The following COG5 variants were observed in gnomAD, a reference collection of about 807,000 sequenced individuals.
COG5 encodes the protein component of oligomeric golgi complex 5.
COG5 carries 86 observed loss-of-function variants against 110.4 expected under a neutral mutation model. The observed-to-expected ratio is 0.78, with a 90% CI of 0.65 to 0.93. COG5 has a LOEUF of 0.93. Ranked by LOEUF, COG5 falls within the 40% of genes least tolerant of loss-of-function variation. The pLI, the probability that COG5 is intolerant of heterozygous loss-of-function variation, is 0.00. For synonymous variants in COG5, 360 were observed against 334.6 expected, an observed-to-expected ratio of 1.08 and a Z score of -0.83; for missense variants, 1,077 against 987.0, an observed-to-expected ratio of 1.09 and a Z score of -1.22.
At chr7:107,464,843 C>T (rs888149598) in intron 6 of COG5, among the ~76,000 whole-genome samples, 21 of 152,094 alleles carry the variant, frequency 1.4e-4, no homozygotes, top group South Asian at 6.2e-4. Flanking sequence ...CTGTATACTA[C>T]GGGTTTTTTC....
At chr7:107,539,656 T>G (rs1334095845) in intron 5 of COG5, among the ~76,000 whole-genome samples, 1 of 152,172 alleles carries the variant, frequency 6.6e-6, no homozygotes, top group South Asian at 2.1e-4. Context: ...ATTCACAAGA[T>G]GCAATCTTGT....
intron 21 of COG5, among the ~76,000 whole-genome samples, chr7:107,206,755 T>C (rs1263356541): frequency 3.3e-5 from 5 of 152,252 alleles, no homozygotes; most frequent in Admixed American, 2.6e-4. Flanking sequence ...GAAATGAGTT[T>C]GGTTAGATTT....
At chr7:107,316,411 A>C (rs1808741493) in intron 11 of COG5, among the ~76,000 whole-genome samples, 2 of 152,174 alleles carry the variant, frequency 1.3e-5, no homozygotes, top group African/African-American at 4.8e-5. Context: ...TAAGGCTCTT[A>C]TTTGGAAGAA....
At chr7:107,383,415 T>C (rs1815300426) in intron 7 of COG5, among the ~76,000 whole-genome samples, 1 of 152,082 alleles carries the variant, frequency 6.6e-6, no homozygotes, top group Admixed American at 6.6e-5. Context: ...ACCCCAACCT[T>C]CCTGTTTCAT....
chr7:107,266,433 C>T (rs2116686365), intron 14 of COG5, among the ~76,000 whole-genome samples: 1 of 152,228 alleles, frequency 6.6e-6, no homozygotes, highest in East Asian at 1.9e-4. Context: ...TGTTTTTATG[C>T]TGTTACATCT....
intron 6 of COG5, among the ~76,000 whole-genome samples, chr7:107,515,779 C>T (rs1411702190): frequency 6.6e-6 from 1 of 152,166 alleles, no homozygotes; most frequent in Admixed American, 6.5e-5. Context: ...CAAATTAATG[C>T]CCTCTTTAGA....
At chr7:107,257,423 C>T (rs73415431) in intron 15 of COG5, among the ~76,000 whole-genome samples, 6,093 of 151,756 alleles carry the variant, frequency 0.04, 372 homozygotes, top group African/African-American at 0.13. Context: ...TTTTAGAAAC[C>T]GCTAATTGAT....
At chr7:107,317,967 G>A (rs938857452) in intron 11 of COG5, among the ~76,000 whole-genome samples, 2 of 152,042 alleles carry the variant, frequency 1.3e-5, no homozygotes, top group African/African-American at 2.4e-5. Flanking sequence ...AAACAATATC[G>A]GAAGATATAA....
intron 6 of COG5, among the ~76,000 whole-genome samples, chr7:107,463,771 T>C (rs1215772448): frequency 6.6e-6 from 1 of 152,170 alleles, no homozygotes. Context: ...GGGGAAAATC[T>C]ATTCTGCAGA....
chr7:107,360,883 G>A (rs549239239), intron 10 of COG5, among the ~76,000 whole-genome samples: 6 of 152,308 alleles, frequency 3.9e-5, no homozygotes, highest in Non-Finnish European at 5.9e-5. Flanking sequence ...CCAAGAGGGC[G>A]GAACGAGCCC....
At chr7:107,509,198 T>C (rs562534612) in intron 6 of COG5, among the ~76,000 whole-genome samples, 1 of 151,976 alleles carries the variant, frequency 6.6e-6, no homozygotes, top group South Asian at 2.1e-4. Flanking sequence ...AGAGAAGTCC[T>C]TAAAGGAGCT....
chr7:107,316,833 G>GAAA (rs556569000), intron 11 of COG5, among the ~76,000 whole-genome samples: 1 of 148,572 alleles, frequency 6.7e-6, no homozygotes, highest in African/African-American at 2.5e-5. Context: ...TCTGTCTCAG[G>GAAA]AAAAAAAAAG....
intron 6 of COG5, among the ~76,000 whole-genome samples, chr7:107,427,984 A>C (rs998305874): frequency 5.3e-5 from 8 of 152,002 alleles, no homozygotes; most frequent in African/African-American, 1.7e-4. Flanking sequence ...TCAGAATGGG[A>C]AGTGCGTGCT....
At chr7:107,408,732 G>A (rs1466893104) in intron 7 of COG5, among the ~76,000 whole-genome samples, 3 of 152,124 alleles carry the variant, frequency 2.0e-5, no homozygotes, top group East Asian at 1.9e-4. Context: ...CAGAACAGGG[G>A]ACATCTATTT....
chr7:107,308,304 A>G (rs1807907379), intron 11 of COG5, among the ~76,000 whole-genome samples: 1 of 152,166 alleles, frequency 6.6e-6, no homozygotes, highest in Non-Finnish European at 1.5e-5. Flanking sequence ...TTACTCTTAG[A>G]GACTCTAATG....
intron 7 of COG5, among the ~76,000 whole-genome samples, chr7:107,390,116 T>G (rs1234774577): frequency 1.3e-5 from 2 of 152,180 alleles, no homozygotes; most frequent in Non-Finnish European, 2.9e-5. Flanking sequence ...ATCTGAGGCA[T>G]TCCTACCAGT....
intron 5 of COG5, among the ~76,000 whole-genome samples, chr7:107,529,872 A>G (rs1801066993): frequency 6.6e-6 from 1 of 152,160 alleles, no homozygotes; most frequent in Non-Finnish European, 1.5e-5. Flanking sequence ...ACCTGTACGG[A>G]TTCGACACCA....
chr7:107,447,121 G>C (rs1795054027), intron 6 of COG5, among the ~76,000 whole-genome samples: 1 of 152,076 alleles, frequency 6.6e-6, no homozygotes, highest in East Asian at 1.9e-4. Flanking sequence ...TGGTTTCCTT[G>C]CTGCCTGTCA....
chr7:107,260,737 G>T (rs1199453585), intron 14 of COG5, among the ~76,000 whole-genome samples: 1 of 151,736 alleles, frequency 6.6e-6, no homozygotes, highest in Non-Finnish European at 1.5e-5. Context: ...TGATATAAAA[G>T]AACTAAAAAT....
Sources: allele counts gnomAD v4.1 joint callset (sites outside exome capture counted in the v4.1 genomes callset), GRCh38; gene constraint gnomAD v4.1.1; transcripts MANE v1.5; gene names NCBI Gene and HGNC (gene_info 2026-07-23, HGNC 2026-07-21).